ESRRG: variants seen among roughly 807,000 people sequenced by gnomAD.
The protein encoded by ESRRG is estrogen-related receptor gamma.
Under a neutral mutation model 44.0 loss-of-function variants are expected in ESRRG, and 13 were observed. The observed-to-expected ratio is 0.30, with a 90% CI of 0.19 to 0.47. The LOEUF is 0.47. ESRRG is among the 20% of genes least tolerant of loss of function. The pLI is 1.00. For synonymous variants in ESRRG, 215 were observed against 214.6 expected (o/e 1.00, Z -0.02); for missense variants, 395 against 580.6 (o/e 0.68, Z 3.29).
At chr1:216,680,716 C>T (rs1167813894) in intron 1 of ESRRG, among the ~76,000 whole-genome samples, 1 of 152,186 alleles carries the variant, frequency 6.6e-6, no homozygotes, top group East Asian at 1.9e-4. Flanking sequence ...ATATTATAAC[C>T]TAAAACTACA....
At chr1:216,524,284 C>CTA (rs1394164705) in intron 5 of ESRRG, among the ~76,000 whole-genome samples, 82 of 133,328 alleles carry the variant, frequency 6.2e-4, no homozygotes, top group African/African-American at 1.5e-3. Flanking sequence ...TTGCAGGAGA[C>CTA]TATATATATA....
At chr1:216,789,353 C>T (rs2094237720) in intron 2 of ESRRG, among the ~76,000 whole-genome samples, 1 of 152,104 alleles carries the variant, frequency 6.6e-6, no homozygotes, top group Non-Finnish European at 1.5e-5. Flanking sequence ...ACCAGCAAAA[C>T]GTTTATGACT....
At chr1:216,938,313 G>A (rs1399444022) in intron 2 of ESRRG, among the ~76,000 whole-genome samples, 1 of 152,188 alleles carries the variant, frequency 6.6e-6, no homozygotes, top group African/African-American at 2.4e-5. Context: ...CACACCTGTA[G>A]TCCGTGAGAA....
chr1:216,567,939 C>A, intron 4 of ESRRG, 49 bp downstream of exon 4: 1 of 1,242,208 alleles, frequency 8.1e-7, no homozygotes, highest in Non-Finnish European at 1.2e-6. Flanking sequence ...ATAGAGCCAA[C>A]TGGGAGGATT....
intron 2 of ESRRG, among the ~76,000 whole-genome samples, chr1:216,844,305 C>T (rs573547343): frequency 3.3e-5 from 5 of 152,118 alleles, no homozygotes; most frequent in Admixed American, 6.6e-5. Flanking sequence ...ATATTTTAAA[C>T]TTCAAAATAA....
At chr1:216,698,992 C>T (rs1276242060) in intron 1 of ESRRG, among the ~76,000 whole-genome samples, 1 of 152,164 alleles carries the variant, frequency 6.6e-6, no homozygotes, top group East Asian at 1.9e-4. Flanking sequence ...TTTATTCATT[C>T]ATCTATCTTT....
chr1:216,715,700 T>A (rs1398651144), intron 1 of ESRRG, among the ~76,000 whole-genome samples: 1 of 152,128 alleles, frequency 6.6e-6, no homozygotes, highest in African/African-American at 2.4e-5. Context: ...AATATGCATT[T>A]ACTATTATTT....
intron 1 of ESRRG, chr1:216,701,365 C>G (rs559170287): frequency 6.6e-6 from 1 of 152,220 alleles, no homozygotes; most frequent in Non-Finnish European, 1.5e-5. Context: ...AACAGTCTGA[C>G]ATTCTGTGAG....
intron 1 of ESRRG, among the ~76,000 whole-genome samples, chr1:217,106,031 A>C (rs145350062): frequency 6.6e-6 from 1 of 152,314 alleles, no homozygotes; most frequent in East Asian, 1.9e-4. Flanking sequence ...TAGAAGTTAA[A>C]CATTAATGCA....
At chr1:217,034,141 T>A (rs2082479188) in intron 1 of ESRRG, among the ~76,000 whole-genome samples, 1 of 152,164 alleles carries the variant, frequency 6.6e-6, no homozygotes, top group African/African-American at 2.4e-5. Flanking sequence ...ACAAAACAGT[T>A]ATTTACATAT....
chr1:216,762,873 T>A (rs2092872509), intron 2 of ESRRG, among the ~76,000 whole-genome samples: 1 of 152,180 alleles, frequency 6.6e-6, no homozygotes, highest in Non-Finnish European at 1.5e-5. Flanking sequence ...TAGAAGTACC[T>A]TACACAAACA....
At chr1:216,774,289 A>G (rs1409849707) in intron 2 of ESRRG, among the ~76,000 whole-genome samples, 1 of 152,106 alleles carries the variant, frequency 6.6e-6, no homozygotes, top group East Asian at 1.9e-4. Context: ...TTTCAAGGTG[A>G]TGATTTAACC....
At chr1:216,882,569 A>T (rs886600455) in intron 2 of ESRRG, among the ~76,000 whole-genome samples, 1 of 152,222 alleles carries the variant, frequency 6.6e-6, no homozygotes, top group Non-Finnish European at 1.5e-5. Flanking sequence ...GTGAGTTGTT[A>T]TAAGAACTGA....
intron 1 of ESRRG, among the ~76,000 whole-genome samples, chr1:217,022,390 CT>C (rs1284452431): frequency 6.6e-6 from 1 of 152,192 alleles, no homozygotes; most frequent in Non-Finnish European, 1.5e-5. Flanking sequence ...ATTCAGAGAA[CT>C]TGATTATTAA....
At chr1:217,061,124 T>TCC (rs1357333299) in intron 1 of ESRRG, among the ~76,000 whole-genome samples, 4 of 152,094 alleles carry the variant, frequency 2.6e-5, no homozygotes, top group African/African-American at 9.7e-5. Flanking sequence ...AGGGGGATTT[T>TCC]CAGGAGTTAA....
intron 1 of ESRRG, chr1:216,681,953 C>A (rs558633398): frequency 6.6e-6 from 1 of 152,152 alleles, no homozygotes; most frequent in Admixed American, 6.5e-5. Context: ...CCCACATGCA[C>A]GTGCTGATGT....
chr1:216,923,279 T>G (rs1466269790), intron 2 of ESRRG, among the ~76,000 whole-genome samples: 1 of 152,214 alleles, frequency 6.6e-6, no homozygotes, highest in Non-Finnish European at 1.5e-5. Context: ...ACACTAAATC[T>G]TATTAAACTA....
chr1:217,071,244 C>T (rs932019715), intron 1 of ESRRG, among the ~76,000 whole-genome samples: 1 of 152,120 alleles, frequency 6.6e-6, no homozygotes, highest in Non-Finnish European at 1.5e-5. Flanking sequence ...GTCTCTCCTT[C>T]ATTGCAAAAA....
At chr1:217,004,130 C>T (rs181140442) in intron 1 of ESRRG, among the ~76,000 whole-genome samples, 53 of 152,140 alleles carry the variant, frequency 3.5e-4, no homozygotes, top group African/African-American at 1.1e-3. Flanking sequence ...ATTTCTACAA[C>T]GTAAAATTGA....
Sources: gnomAD v4.1 joint callset for allele counts (sites outside exome capture counted in the v4.1 genomes callset) on GRCh38, gnomAD v4.1.1 for gene constraint, MANE v1.5 for transcripts, NCBI Gene and HGNC (gene_info 2026-07-23, HGNC 2026-07-21) for gene names.